NRXN1: variants seen among roughly 807,000 people sequenced by gnomAD.
NRXN1 encodes the protein neurexin 1.
A neutral mutation model predicts 150.9 loss-of-function variants in NRXN1; 39 were observed. That is an observed-to-expected ratio of 0.26 (90% CI 0.20 to 0.34). NRXN1 has a LOEUF of 0.34. Among genes scored for constraint, NRXN1 ranks in the 10% least tolerant of loss-of-function variants. The pLI, the probability that NRXN1 is intolerant of heterozygous loss-of-function variation, is 1.00. For missense variants in NRXN1, 1,815 were observed against 1,949.9 expected, an observed-to-expected ratio of 0.93 and a Z score of 1.30; for synonymous variants, 924 against 757.0, an observed-to-expected ratio of 1.22 and a Z score of -3.62.
intron 2 of NRXN1, among the ~76,000 whole-genome samples, chr2:50,932,295 G>A (rs541876028): frequency 1.3e-5 from 2 of 152,020 alleles, no homozygotes; most frequent in Admixed American, 6.5e-5. Context: ...GGCTGAGGAA[G>A]GAGAATCATC....
intron 5 of NRXN1, among the ~76,000 whole-genome samples, chr2:50,719,505 C>A (rs1574232262): frequency 6.6e-6 from 1 of 151,522 alleles, no homozygotes; most frequent in African/African-American, 2.4e-5. Context: ...TGAAATCCTG[C>A]CTCTACTAAA....
At chr2:50,442,652 T>G (rs981896389) in intron 17 of NRXN1, among the ~76,000 whole-genome samples, 2 of 152,158 alleles carry the variant, frequency 1.3e-5, no homozygotes, top group Non-Finnish European at 2.9e-5. Context: ...TCTGGGCTAA[T>G]GACAGAAATA....
intron 8 of NRXN1, among the ~76,000 whole-genome samples, chr2:50,585,044 A>G (rs949056453): frequency 6.6e-6 from 1 of 152,144 alleles, no homozygotes; most frequent in African/African-American, 2.4e-5. Flanking sequence ...GGTCCCTAAG[A>G]ATAAATTTAC....
chr2:50,567,422 G>A (rs912876269), intron 8 of NRXN1, among the ~76,000 whole-genome samples: 4 of 152,136 alleles, frequency 2.6e-5, no homozygotes, highest in Admixed American at 1.3e-4. Flanking sequence ...GAACTTGGGT[G>A]AGGGGTCAGG....
At chr2:50,736,930 T>C (rs895182943) in intron 5 of NRXN1, among the ~76,000 whole-genome samples, 2 of 152,130 alleles carry the variant, frequency 1.3e-5, no homozygotes, top group Non-Finnish European at 2.9e-5. Context: ...GCCAAATGAA[T>C]AAATGGATAT....
intron 5 of NRXN1, among the ~76,000 whole-genome samples, chr2:50,688,201 G>A (rs191695546): frequency 1.3e-5 from 2 of 152,080 alleles, no homozygotes; most frequent in African/African-American, 4.8e-5. Context: ...CTAACCCAAC[G>A]TTTCTTTTCC....
At chr2:50,815,852 A>G (rs1443048588) in intron 5 of NRXN1, among the ~76,000 whole-genome samples, 2 of 152,150 alleles carry the variant, frequency 1.3e-5, no homozygotes, top group African/African-American at 4.8e-5. Flanking sequence ...CCCAGTGCCC[A>G]TCTTCCTACA....
chr2:50,780,721 ATATT>A (rs1445875415), intron 5 of NRXN1, among the ~76,000 whole-genome samples: 2 of 152,130 alleles, frequency 1.3e-5, no homozygotes, highest in Non-Finnish European at 2.9e-5. Flanking sequence ...TTTTCTTTGA[ATATT>A]AATTATGTTG....
At chr2:50,118,976 T>C (rs1012942717) in intron 18 of NRXN1, among the ~76,000 whole-genome samples, 1 of 150,714 alleles carries the variant, frequency 6.6e-6, no homozygotes, top group African/African-American at 2.5e-5. Context: ...TGTTAACCTG[T>C]CTTTTTTTTT....
intron 17 of NRXN1, among the ~76,000 whole-genome samples, chr2:50,288,919 A>C (rs1008401804): frequency 3.9e-5 from 6 of 152,154 alleles, no homozygotes; most frequent in African/African-American, 1.4e-4. Flanking sequence ...TGAGACGAAA[A>C]GTCAGATGCA....
chr2:50,872,575 T>C (rs1677945244), intron 5 of NRXN1, among the ~76,000 whole-genome samples: 1 of 151,680 alleles, frequency 6.6e-6, no homozygotes, highest in African/African-American at 2.4e-5. Context: ...AGTCAGGTCT[T>C]TCCTTTAGGC....
Position 49,921,614 on chromosome 2 carries a change from G to C in NRXN1, c.*330C>G, listed in dbSNP as rs1668211326. 4.1e-6 allele frequency: 1 copy of C among 242,056 alleles called. No individual in the cohort carries two copies. The highest frequency in any genetic ancestry group is 5.2e-5 in the Admixed American group (1 of 19,232). 15.0% of individuals were successfully genotyped at this position (242,056 alleles called of 1,614,324 possible). On this transcript the variant is annotated 3_prime_UTR_variant, in exon 23 of 23. Coordinates refer to ENST00000401669, the MANE Select transcript of NRXN1 (RefSeq NM_001330078.2). ...TGTGTTGGTTTTTGTGTTGTGCCTT[G>C]ATGCTGTAGTACTCCTTTGCTTTAT...
At chr2:50,439,259 T>C (rs1031066905) in intron 17 of NRXN1, among the ~76,000 whole-genome samples, 1 of 152,218 alleles carries the variant, frequency 6.6e-6, no homozygotes, top group Non-Finnish European at 1.5e-5. Context: ...TCTTTCTGGT[T>C]GCCCCTGAAA....
intron 15 of NRXN1, among the ~76,000 whole-genome samples, chr2:50,483,294 G>A (rs1304334385): frequency 1.3e-5 from 2 of 151,970 alleles, no homozygotes; most frequent in Non-Finnish European, 1.5e-5. Context: ...CTCATTTTCT[G>A]GAAAACTCAT....
At chr2:50,298,763 G>C (rs375548146) in intron 17 of NRXN1, among the ~76,000 whole-genome samples, 1 of 152,094 alleles carries the variant, frequency 6.6e-6, no homozygotes, top group Non-Finnish European at 1.5e-5. Flanking sequence ...TACACATAAT[G>C]TTTGTGAAAT....
chr2:50,867,051 A>T (rs114288571), intron 5 of NRXN1, among the ~76,000 whole-genome samples: 1,522 of 152,048 alleles, frequency 0.01, 21 homozygotes, highest in Non-Finnish European at 0.017. Flanking sequence ...AAAGTTACTT[A>T]TATAGTTTTC....
chr2:50,695,125 CCAGT>C (rs1307587694), intron 5 of NRXN1, among the ~76,000 whole-genome samples: 4 of 151,464 alleles, frequency 2.6e-5, no homozygotes, highest in Non-Finnish European at 5.9e-5. Flanking sequence ...TTTGATTTCA[CCAGT>C]GCAGTAGGGA....
intron 5 of NRXN1, among the ~76,000 whole-genome samples, chr2:50,798,025 T>C (rs1451936572): frequency 6.6e-6 from 1 of 152,182 alleles, no homozygotes; most frequent in African/African-American, 2.4e-5. Flanking sequence ...AGAAATTGTA[T>C]GCTAAAAGTA....
Position 50,732,640 on chromosome 2 carries a change from T to C in NRXN1, c.833-109025A>G, listed in dbSNP as rs377143109. ...TAAAGTAAAATAGAGCAAAACTGAC[T>C]TGACCCCGATTTTCCTTTAAATCCG... On this transcript the variant is annotated intron_variant, in intron 5 of 22. Coordinates refer to ENST00000401669, the MANE Select transcript of NRXN1 (RefSeq NM_001330078.2). Among the ~76,000 whole-genome samples, 12 of 152,196 alleles carry C rather than the reference T, an allele frequency of 7.9e-5. No individual in the cohort carries two copies. The East Asian group carries it at 1.2e-3, about 15-fold the overall frequency.
Sources: allele counts gnomAD v4.1 joint callset (sites outside exome capture counted in the v4.1 genomes callset), GRCh38; gene constraint gnomAD v4.1.1; transcripts MANE v1.5; gene names NCBI Gene and HGNC (gene_info 2026-07-23, HGNC 2026-07-21).